Variants in NIPSNAP3B observed in about 807,000 individuals in gnomAD.
The protein encoded by NIPSNAP3B is nipsnap homolog 3B, also known as protein NipSnap homolog 3B.
Under a neutral mutation model 31.5 loss-of-function variants are expected in NIPSNAP3B, and 30 were observed. That is an observed-to-expected ratio of 0.95 (90% CI 0.71 to 1.29). The LOEUF (loss-of-function observed/expected upper bound fraction) is 1.29, where lower values mean the gene tolerates loss of function less well. Ranked by LOEUF, NIPSNAP3B falls within the 50% of genes most tolerant of loss-of-function variation. The probability of loss-of-function intolerance (pLI) is 0.00; values close to 1 mark genes in which losing one functional copy is unlikely to be tolerated. For synonymous variants in NIPSNAP3B, 106 were observed against 107.9 expected (o/e 0.98, Z 0.11); for missense variants, 269 against 300.7 (o/e 0.89, Z 0.78).
chr9:104,765,626 A>G (rs1828073786), intron 1 of NIPSNAP3B, among the ~76,000 whole-genome samples: 1 of 152,174 alleles, frequency 6.6e-6, no homozygotes, highest in South Asian at 2.1e-4. Flanking sequence ...ACTTCTTGAT[A>G]TTGCATCTGT....
At chr9:104,785,940 T>C in the NIPSNAP3B span, among the ~76,000 whole-genome samples, 1 of 152,176 alleles carries the variant, frequency 6.6e-6, no homozygotes, top group African/African-American at 2.4e-5. Flanking sequence ...TCAGAGCTCA[T>C]AATTGGTAGG....
At chr9:104,783,462 T>G in the NIPSNAP3B span, 1 of 152,278 alleles carries the variant, frequency 6.6e-6, no homozygotes, top group Non-Finnish European at 1.5e-5. Flanking sequence ...TTTAATCCCA[T>G]GCCCTGGCTT....
In NIPSNAP3B at chr9:104,774,895, T is replaced by G. The variant is rs1314698935; in HGVS notation, c.*1822T>G. On this transcript the variant is annotated 3_prime_UTR_variant, in exon 6 of 6. Transcript: ENST00000374762. The stretch of plus-strand genomic sequence containing the variant: ...ATGACTCCCAGCACCTGCGCGTCCA[T>G]CTTCATTCTTAGCCAATGACCTTTC... Among the ~76,000 whole-genome samples, 1 of 152,172 alleles carries G rather than the reference T, an allele frequency of 6.6e-6. No individual in the cohort carries two copies. The highest frequency in any genetic ancestry group is 2.4e-5 in the African/African-American group (1 of 41,426).
chr9:104,788,636 A>G, the NIPSNAP3B span: 2 of 1,561,602 alleles, frequency 1.3e-6, no homozygotes, highest in Non-Finnish European at 1.8e-6. Flanking sequence ...AATCTGGCCT[A>G]ATGTTCCTGT....
At chr9:104,784,547 C>T in the NIPSNAP3B span, 2 of 1,437,192 alleles carry the variant, frequency 1.4e-6, no homozygotes, top group Non-Finnish European at 1.9e-6. Context: ...GAAATTAGGT[C>T]AAGTAGGAGC....
chr9:104,789,118 C>T, the NIPSNAP3B span, among the ~76,000 whole-genome samples: 3 of 152,196 alleles, frequency 2.0e-5, no homozygotes, highest in Admixed American at 6.5e-5. Context: ...TCAGCCACAG[C>T]GGCATTGCCA....
downstream of NIPSNAP3B, among the ~76,000 whole-genome samples, chr9:104,779,052 T>C (rs1828389566): frequency 6.6e-6 from 1 of 152,180 alleles, no homozygotes; most frequent in African/African-American, 2.4e-5. Context: ...TTTTTCCCAC[T>C]GGGGCTTTTG....
At chr9:104,780,561 G>A (rs765865241), downstream of NIPSNAP3B, among the ~76,000 whole-genome samples, 4 of 152,030 alleles carry the variant, frequency 2.6e-5, no homozygotes, top group Non-Finnish European at 5.9e-5. Flanking sequence ...TATCTACTTC[G>A]CCTTCCTGCT....
rs1430194983 is a variant in NIPSNAP3B, at chr9:104,775,064, AC to A, written c.*1994del. On this transcript the variant is annotated 3_prime_UTR_variant, in exon 6 of 6. Transcript: ENST00000374762. Reference sequence around the variant, plus strand: ...CCGCCCGTGCCCCAAGCAAAGACAAACCCTCCACTTGAACACTCACTTGCTG... The same window carrying A: ...CCGCCCGTGCCCCAAGCAAAGACAAACCTCCACTTGAACACTCACTTGCTG... Among the ~76,000 whole-genome samples the A allele has an allele frequency of 6.6e-6, 1 of 151,586 alleles. No individual in the cohort carries two copies. The highest frequency in any genetic ancestry group is 1.5e-5 in the Non-Finnish European group (1 of 67,924).
At chr9:104,784,546 T>C in the NIPSNAP3B span, 1 of 1,478,716 alleles carries the variant, frequency 6.8e-7, no homozygotes. Flanking sequence ...TGAAATTAGG[T>C]CAAGTAGGAG....
At chr9:104,784,518 T>C in the NIPSNAP3B span, 1 of 1,601,968 alleles carries the variant, frequency 6.2e-7, no homozygotes, top group South Asian at 1.1e-5. Flanking sequence ...TTTATTCTAG[T>C]TCTATTTTTC....
the NIPSNAP3B span, chr9:104,788,539 G>C: frequency 6.2e-7 from 1 of 1,614,188 alleles, no homozygotes; most frequent in South Asian, 1.1e-5. Flanking sequence ...CCCATGTTCT[G>C]ATGTACTTCA....
chr9:104,765,018 A>ATTTTATTATTTTTATT (rs1828060815), intron 1 of NIPSNAP3B, among the ~76,000 whole-genome samples: 1 of 152,194 alleles, frequency 6.6e-6, no homozygotes. Flanking sequence ...AATATTTTTA[A>ATTTTATTATTTTTATT]ACTGTAGATA....
chr9:104,787,913 T>C, the NIPSNAP3B span: 192 of 1,613,992 alleles, frequency 1.2e-4, no homozygotes, highest in East Asian at 4.1e-3. Flanking sequence ...TCCACAGTTA[T>C]ACTCACCAGA....
At chr9:104,787,070 T>A in the NIPSNAP3B span, 1 of 1,052,362 alleles carries the variant, frequency 9.5e-7, no homozygotes, top group Non-Finnish European at 1.4e-6. Context: ...TGAAACAGCT[T>A]AAATTTTAAC....
the NIPSNAP3B span, among the ~76,000 whole-genome samples, chr9:104,789,636 C>T: frequency 1.3e-5 from 2 of 152,138 alleles, no homozygotes; most frequent in African/African-American, 2.4e-5. Context: ...TAGCAGAGTG[C>T]ACTACAATTA....
chr9:104,778,215 T>C (rs1828378497), downstream of NIPSNAP3B, among the ~76,000 whole-genome samples: 1 of 152,106 alleles, frequency 6.6e-6, no homozygotes, highest in African/African-American at 2.4e-5. Context: ...GGCTTAAATA[T>C]ATACGTACCA....
At position 104,773,549 on chromosome 9, in the gene NIPSNAP3B, A is replaced by G. The variant is rs1383759751; in HGVS notation, c.*476A>G. On this transcript the variant is annotated 3_prime_UTR_variant, in exon 6 of 6. Coordinates refer to ENST00000374762, the MANE Select transcript of NIPSNAP3B (RefSeq NM_018376.4). The stretch of plus-strand genomic sequence containing the variant: ...GATATAAAATGGGATTTATAAAAAT[A>G]TTAGATTGTTTATTTCTTTACTGTG... 6.5e-6 allele frequency: 1 copy of G among 152,942 alleles called. No individual in the cohort carries two copies. The highest frequency in any genetic ancestry group is 1.5e-5 in the Non-Finnish European group (1 of 68,620). The allele number at this position is 152,942 out of a possible 1,614,324, so 9.5% of individuals were successfully genotyped here. A position where few individuals can be genotyped will look rare whatever the true frequency, so the allele number is the denominator to read the frequency against.
rs1382070139 is a variant in NIPSNAP3B at position 104,764,400 on chromosome 9, C to T, written c.60+100C>T. On this transcript the variant is annotated intron_variant, in intron 1 of 5. Transcript: ENST00000374762. Reference sequence around the variant, plus strand: ...GAGCCACGCTCAGGCGCTCCCAGACCTGGGGCCCCGCGCCGCCGCCGAAGT... The same window carrying T: ...GAGCCACGCTCAGGCGCTCCCAGACTTGGGGCCCCGCGCCGCCGCCGAAGT... The T allele has an allele frequency of 1.0e-5, 11 of 1,074,042 alleles. No homozygotes were observed. In the Admixed American group the frequency reaches 3.2e-4, roughly 31 times the overall value. The allele number at this position is 1,074,042 out of a possible 1,614,324, so 66.5% of individuals were successfully genotyped here. A position where few individuals can be genotyped will look rare whatever the true frequency, so the allele number is the denominator to read the frequency against.
Sources: gnomAD v4.1 joint callset for allele counts (sites outside exome capture counted in the v4.1 genomes callset) on GRCh38, gnomAD v4.1.1 for gene constraint, MANE v1.5 for transcripts, NCBI Gene and HGNC (gene_info 2026-07-23, HGNC 2026-07-21) for gene names.